Variants in LIPC observed in about 807,000 individuals in gnomAD.
LIPC encodes the protein hepatic triacylglycerol lipase.
LIPC carries 44 observed loss-of-function variants against 50.7 expected under a neutral mutation model. The ratio of observed to expected loss-of-function variants is 0.87; its 90% CI spans 0.68 to 1.11. The LOEUF (loss-of-function observed/expected upper bound fraction) is 1.11, where lower values mean the gene tolerates loss of function less well. Ranked by LOEUF, LIPC falls within the 50% of genes most tolerant of loss-of-function variation. The pLI is 0.00. For synonymous variants in LIPC, 271 were observed against 256.4 expected (o/e 1.06, Z -0.54); for missense variants, 697 against 648.2 (o/e 1.08, Z -0.82).
chr15:58,563,608 G>C lies in LIPC; in HGVS notation c.1273G>C (p.Val425Leu), dbSNP rs760387937. ...MIKFKWENSAVWANVWDTVQT... is the reference protein window; with the variant it reads ...MIKFKWENSALWANVWDTVQT... Reference sequence around the variant, plus strand: ...CAAGTTCAAGTGGGAAAACAGTGCAGTGTGGGCCAATGTCTGGGACACGGT... The same window carrying C: ...CAAGTTCAAGTGGGAAAACAGTGCACTGTGGGCCAATGTCTGGGACACGGT... The change falls in exon 8 of 9, where the codon GTG (valine) becomes CTG (leucine). Residue 425 changes from valine to leucine, a missense_variant. Physicochemically the swap from Val to Leu is conservative, Grantham distance 32. Coordinates refer to ENST00000299022, the MANE Select transcript of LIPC (RefSeq NM_000236.3). 13 of 1,614,222 alleles carry C rather than the reference G, an allele frequency of 8.1e-6. No individual in the cohort carries two copies. The highest frequency in any genetic ancestry group is 1.1e-5 in the Non-Finnish European group (13 of 1,180,036).
intron 1 of LIPC, among the ~76,000 whole-genome samples, chr15:58,537,905 T>A (rs996985325): frequency 1.3e-5 from 2 of 152,184 alleles, no homozygotes; most frequent in African/African-American, 2.4e-5. Flanking sequence ...GCTAAGATGC[T>A]CTATTCACTG....
chr15:58,507,578 C>G (rs1426252171), intron 1 of LIPC, among the ~76,000 whole-genome samples: 3 of 152,190 alleles, frequency 2.0e-5, no homozygotes, highest in Non-Finnish European at 4.4e-5. Context: ...AGTGGTCCCT[C>G]TTATAATAAG....
chr15:58,551,411 T>C (rs2140934137), intron 6 of LIPC, among the ~76,000 whole-genome samples: 1 of 152,312 alleles, frequency 6.6e-6, no homozygotes, highest in Non-Finnish European at 1.5e-5. Flanking sequence ...TAAATCCAAA[T>C]CTAAGTTACT....
chr15:58,541,897 A>C lies in LIPC; in HGVS notation c.386A>C (p.His129Pro). The C allele has an allele frequency of 1.2e-6, 2 of 1,612,158 alleles. No individual in the cohort carries two copies. Among genetic ancestry groups the C allele is most frequent in the South Asian group, 1.1e-5 (1 of 91,006 alleles). The change falls in exon 3 of 9, where the codon CAC (histidine) becomes CCC (proline). Residue 129 changes from histidine to proline, a missense_variant. Transcript: ENST00000299022. Reference protein sequence around the residue: ...LVDWITLAHDHYTIAVRNTRL... With the variant: ...LVDWITLAHDPYTIAVRNTRL... ...GACTGGATCACCCTGGCCCACGACC[A>C]CTACACCATCGCCGTCCGCAACACC...
At chr15:58,527,357 C>G (rs545940374) in intron 1 of LIPC, among the ~76,000 whole-genome samples, 1 of 152,262 alleles carries the variant, frequency 6.6e-6, no homozygotes, top group South Asian at 2.1e-4. Context: ...CCAAGCGCCT[C>G]AGGAAAGCTG....
chr15:58,544,827 G>A (rs1465725517), intron 4 of LIPC, among the ~76,000 whole-genome samples: 1 of 152,172 alleles, frequency 6.6e-6, no homozygotes, highest in African/African-American at 2.4e-5. Context: ...GGGTCCTCCA[G>A]AGAAGGCAGA....
chr15:58,444,765 G>A (rs1893631555), intron 1 of LIPC, among the ~76,000 whole-genome samples: 3 of 152,172 alleles, frequency 2.0e-5, no homozygotes, highest in Admixed American at 2.0e-4. Flanking sequence ...AGGTACTGAG[G>A]GTTAGAACTT....
intron 1 of LIPC, among the ~76,000 whole-genome samples, chr15:58,457,053 A>C (rs1244720947): frequency 6.6e-6 from 1 of 152,208 alleles, no homozygotes; most frequent in Non-Finnish European, 1.5e-5. Context: ...TCATCAGACA[A>C]GGCCAAAACA....
rs567156389 is a variant in LIPC, at chr15:58,550,275, G to A, written c.1051+1703G>A. Among the ~76,000 whole-genome samples the A allele has an allele frequency of 1.1e-4, 16 of 152,282 alleles. No individual in the cohort carries two copies. In the East Asian group the frequency reaches 3.1e-3, roughly 29 times the overall value. On this transcript the variant is annotated intron_variant, in intron 6 of 8. Coordinates refer to ENST00000299022, the MANE Select transcript of LIPC (RefSeq NM_000236.3). ...CTTGAAATCACCTGGGAAGAAAAGA[G>A]GTCATTTTTCATCTTCCAGGGCTAA...
intron 1 of LIPC, among the ~76,000 whole-genome samples, chr15:58,487,999 C>A (rs916230313): frequency 6.6e-6 from 1 of 152,198 alleles, no homozygotes; most frequent in African/African-American, 2.4e-5. Flanking sequence ...TGGCCAGGCA[C>A]GGTAGCTCAC....
intron 1 of LIPC, among the ~76,000 whole-genome samples, chr15:58,463,191 TC>T (rs1253960048): frequency 5.3e-5 from 8 of 152,332 alleles, no homozygotes; most frequent in African/African-American, 1.9e-4. Context: ...GCCTGACTGC[TC>T]TGTTCTCATC....
intron 6 of LIPC, among the ~76,000 whole-genome samples, chr15:58,552,073 G>A (rs996758299): frequency 6.6e-6 from 1 of 152,152 alleles, no homozygotes; most frequent in African/African-American, 2.4e-5. Context: ...TTTAAGGGAG[G>A]GGGAGGGAAA....
At chr15:58,492,549 G>T (rs1428022353) in intron 1 of LIPC, among the ~76,000 whole-genome samples, 1 of 152,078 alleles carries the variant, frequency 6.6e-6, no homozygotes, top group Non-Finnish European at 1.5e-5. Flanking sequence ...CAAGTTACCT[G>T]CCCAAGGCCA....
rs1280194208 is a variant in LIPC, at chr15:58,538,322, T to C, written c.89-11T>C. On this transcript the variant is annotated splice_polypyrimidine_tract_variant and intron_variant, in intron 1 of 8. Transcript: ENST00000299022. Reference sequence around the variant, plus strand: ...GCCAGGCTAAGCACCGTCCCCAATCTTATATTGCAGAGCCATTTGGAAGAA... The same window carrying C: ...GCCAGGCTAAGCACCGTCCCCAATCCTATATTGCAGAGCCATTTGGAAGAA... The C allele has an allele frequency of 6.2e-7, 1 of 1,614,060 alleles. No homozygotes were observed. The highest frequency in any genetic ancestry group is 1.7e-5 in the Admixed American group (1 of 60,020).
At chr15:58,485,092 G>GAACCT (rs1425260763) in intron 1 of LIPC, among the ~76,000 whole-genome samples, 5 of 152,208 alleles carry the variant, frequency 3.3e-5, no homozygotes, top group South Asian at 2.1e-4. Context: ...AGAATGATAG[G>GAACCT]AACCTAACAG....
Position 58,544,395 on chromosome 15 carries a change from C to CT in LIPC, c.575-1329dup, listed in dbSNP as rs66982295. On this transcript the variant is annotated intron_variant, in intron 4 of 8. Transcript: ENST00000299022. ...TCAGGACATTTTTCTTTTTCTCTTTCTTTTTTTTTTTTTTTTTTGAGACAG... is the reference window on the plus strand; with the variant it reads ...TCAGGACATTTTTCTTTTTCTCTTTCTTTTTTTTTTTTTTTTTTTGAGACAG... 7.9e-3 allele frequency among the ~76,000 whole-genome samples: 1,021 copies of CT among 128,948 alleles called. 41 individuals carry two copies. Among genetic ancestry groups the CT allele is most frequent in the African/African-American group, 0.026 (879 of 33,952 alleles). 84.6% of individuals were successfully genotyped at this position (128,948 alleles called of 152,430 possible).
chr15:58,468,860 A>G (rs1894673712), intron 1 of LIPC, among the ~76,000 whole-genome samples: 1 of 152,184 alleles, frequency 6.6e-6, no homozygotes. Context: ...CAGGTCCAGT[A>G]AATTGGCTCC....
intron 1 of LIPC, among the ~76,000 whole-genome samples, chr15:58,461,552 G>A (rs1365205345): frequency 6.6e-6 from 1 of 151,986 alleles, no homozygotes; most frequent in Non-Finnish European, 1.5e-5. Context: ...GGGATTACTG[G>A]TGTGCACCAC....
chr15:58,507,405 A>T (rs1892186743), intron 1 of LIPC, among the ~76,000 whole-genome samples: 1 of 152,250 alleles, frequency 6.6e-6, no homozygotes, highest in Admixed American at 6.5e-5. Context: ...GCTCATTATT[A>T]AACATGCAAA....
Sources: allele counts gnomAD v4.1 joint callset (sites outside exome capture counted in the v4.1 genomes callset), GRCh38; gene constraint gnomAD v4.1.1; transcripts MANE v1.5; gene names NCBI Gene and HGNC (gene_info 2026-07-23, HGNC 2026-07-21).